Variants in RAD51B observed in about 807,000 individuals in gnomAD.
RAD51B encodes DNA repair protein RAD51 homolog 2.
A neutral mutation model predicts 42.2 loss-of-function variants in RAD51B; 38 were observed. The observed-to-expected ratio is 0.90, with a 90% CI of 0.70 to 1.18. RAD51B has a LOEUF of 1.18. RAD51B is among the 50% of genes most tolerant of loss of function. The pLI is 0.00. For synonymous variants in RAD51B, 154 were observed against 145.2 expected (o/e 1.06, Z -0.43); for missense variants, 373 against 400.7 (o/e 0.93, Z 0.59).
At chr14:68,072,115 T>A (rs1479906774) in intron 7 of RAD51B, among the ~76,000 whole-genome samples, 1 of 120,482 alleles carries the variant, frequency 8.3e-6, no homozygotes, top group Non-Finnish European at 1.7e-5. Context: ...ATATAAAAAA[T>A]ATATAAAATA....
intron 8 of RAD51B, among the ~76,000 whole-genome samples, chr14:68,344,327 A>C (rs1401723965): frequency 6.6e-6 from 1 of 152,264 alleles, no homozygotes; most frequent in Non-Finnish European, 1.5e-5. Flanking sequence ...ACATGGAGTC[A>C]AAGATGATTA....
intron 10 of RAD51B, among the ~76,000 whole-genome samples, chr14:68,569,763 G>A (rs918843876): frequency 6.6e-6 from 1 of 152,160 alleles, no homozygotes; most frequent in Non-Finnish European, 1.5e-5. Context: ...CCATGGAACC[G>A]GGCCTGAAGC....
chr14:68,621,287 A>G (rs943203998), intron 10 of RAD51B, among the ~76,000 whole-genome samples: 2 of 152,164 alleles, frequency 1.3e-5, no homozygotes, highest in African/African-American at 2.4e-5. Context: ...CTGTGGGGTC[A>G]TCCTCTTTGG....
chr14:68,321,685 T>C (rs1052687338), intron 8 of RAD51B, among the ~76,000 whole-genome samples: 1 of 152,206 alleles, frequency 6.6e-6, no homozygotes, highest in Non-Finnish European at 1.5e-5. Flanking sequence ...AAAGGCAAAA[T>C]AATCATTCTG....
intron 10 of RAD51B, among the ~76,000 whole-genome samples, chr14:68,476,932 C>T (rs1882669557): frequency 6.6e-6 from 1 of 152,198 alleles, no homozygotes; most frequent in Admixed American, 6.5e-5. Context: ...CCTGGCCTTC[C>T]ATGTCCAGAT....
intron 7 of RAD51B, among the ~76,000 whole-genome samples, chr14:67,939,063 A>T (rs913394477): frequency 6.6e-6 from 1 of 152,202 alleles, no homozygotes; most frequent in African/African-American, 2.4e-5. Context: ...TAATCATTTG[A>T]CATTTAGCAC....
At chr14:68,431,977 C>T (rs1177810077) in intron 9 of RAD51B, among the ~76,000 whole-genome samples, 1 of 152,196 alleles carries the variant, frequency 6.6e-6, no homozygotes, top group East Asian at 1.9e-4. Context: ...TTTCAAAGAA[C>T]ATCTTTATTT....
At chr14:68,060,231 A>G (rs1463031890) in intron 7 of RAD51B, among the ~76,000 whole-genome samples, 1 of 152,248 alleles carries the variant, frequency 6.6e-6, no homozygotes, top group East Asian at 1.9e-4. Context: ...TCCCATCAGC[A>G]TACTTAGATT....
intron 8 of RAD51B, among the ~76,000 whole-genome samples, chr14:68,295,883 G>A (rs143982427): frequency 5.3e-4 from 81 of 152,044 alleles, no homozygotes; most frequent in Non-Finnish European, 6.8e-4. Context: ...CTTGCCCCCC[G>A]CCCCCAAATC....
chr14:68,373,856 C>T (rs1261261249), intron 8 of RAD51B, among the ~76,000 whole-genome samples: 1 of 152,082 alleles, frequency 6.6e-6, no homozygotes, highest in Non-Finnish European at 1.5e-5. Flanking sequence ...TCCACTATAC[C>T]ACACTGCCTC....
At chr14:68,643,743 T>C (rs1892510824) in intron 10 of RAD51B, among the ~76,000 whole-genome samples, 1 of 152,226 alleles carries the variant, frequency 6.6e-6, no homozygotes, top group African/African-American at 2.4e-5. Flanking sequence ...CCTTGTGTTT[T>C]CCCCTTTTTA....
intron 7 of RAD51B, among the ~76,000 whole-genome samples, chr14:68,007,279 C>T (rs2075606636): frequency 6.6e-6 from 1 of 151,950 alleles, no homozygotes; most frequent in Non-Finnish European, 1.5e-5. Flanking sequence ...GGTTATTTGA[C>T]TCAGTTTTAC....
intron 7 of RAD51B, among the ~76,000 whole-genome samples, chr14:68,034,384 A>C (rs1430002557): frequency 6.6e-6 from 1 of 151,640 alleles, no homozygotes; most frequent in African/African-American, 2.4e-5. Flanking sequence ...CAATCCTCCT[A>C]CTTCAGGCTC....
chr14:68,595,035 A>G lies in RAD51B; in HGVS notation c.*432A>G, dbSNP rs1362508644. On this transcript the variant is annotated 3_prime_UTR_variant, in exon 11 of 11. Coordinates refer to the RAD51B transcript ENST00000487270. Reference sequence around the variant, plus strand: ...GATCCAGTAGCCTAGATTTTGCCCCAGTTTCTCCACTGAGTATTTACTCAG... The same window carrying G: ...GATCCAGTAGCCTAGATTTTGCCCCGGTTTCTCCACTGAGTATTTACTCAG... 3.7e-6 allele frequency: 4 copies of G among 1,073,650 alleles called. No homozygotes were observed. In the African/African-American group the frequency reaches 6.5e-5, roughly 18 times the overall value. The allele number at this position is 1,073,650 out of a possible 1,614,324, so 66.5% of individuals were successfully genotyped here.
intron 10 of RAD51B, among the ~76,000 whole-genome samples, chr14:68,488,958 T>C (rs1594904760): frequency 6.6e-6 from 1 of 152,054 alleles, no homozygotes; most frequent in Non-Finnish European, 1.5e-5. Context: ...TTTATTTTAT[T>C]TATTTATTTT....
chr14:68,396,675 C>T (rs1435197625), intron 8 of RAD51B, among the ~76,000 whole-genome samples: 2 of 152,100 alleles, frequency 1.3e-5, no homozygotes, highest in Admixed American at 6.5e-5. Flanking sequence ...GTATCAATTT[C>T]TAGAAACCTG....
At chr14:68,132,492 T>G (rs911499151) in intron 7 of RAD51B, among the ~76,000 whole-genome samples, 2 of 152,220 alleles carry the variant, frequency 1.3e-5, no homozygotes, top group Non-Finnish European at 2.9e-5. Context: ...TTGTGAGTTA[T>G]GGACTTCTTA....
rs1489622092 is a variant in RAD51B at position 68,449,093 on chromosome 14, A to G, written c.958-19079A>G. 2.6e-5 allele frequency among the ~76,000 whole-genome samples: 4 copies of G among 152,252 alleles called. 1 individual carries two copies. In the South Asian group the frequency reaches 8.3e-4, roughly 31 times the overall value. On this transcript the variant is annotated intron_variant, in intron 9 of 10. Coordinates refer to ENST00000471583, the MANE Select transcript of RAD51B (RefSeq NM_133510.4). ...TACTAACCGTTTTTCATAGCAGCAT[A>G]GTATTCATGGTATGGATATACAGGA...
At chr14:68,256,370 C>T (rs2080754127) in intron 7 of RAD51B, among the ~76,000 whole-genome samples, 1 of 152,190 alleles carries the variant, frequency 6.6e-6, no homozygotes, top group South Asian at 2.1e-4. Flanking sequence ...TGTCTGTAGT[C>T]ACCCAGAAAA....
Sources: gnomAD v4.1 joint callset for allele counts (sites outside exome capture counted in the v4.1 genomes callset) on GRCh38, gnomAD v4.1.1 for gene constraint, MANE v1.5 for transcripts, NCBI Gene and HGNC (gene_info 2026-07-23, HGNC 2026-07-21) for gene names.